ANKRD62: variants seen among roughly 807,000 people sequenced by gnomAD.
The protein encoded by ANKRD62 is ankyrin repeat domain 62.
Under a neutral mutation model 98.8 loss-of-function variants are expected in ANKRD62, and 61 were observed. The ratio of observed to expected loss-of-function variants is 0.62; its 90% CI spans 0.50 to 0.76. The LOEUF (loss-of-function observed/expected upper bound fraction) is 0.76, where lower values mean the gene tolerates loss of function less well. ANKRD62 is among the 30% of genes least tolerant of loss of function. ANKRD62 has a pLI of 0.00. For synonymous variants in ANKRD62, 341 were observed against 367.9 expected, an observed-to-expected ratio of 0.93 and a Z score of 0.84; for missense variants, 933 against 1,082.9, an observed-to-expected ratio of 0.86 and a Z score of 1.94.
the ANKRD62 span, among the ~76,000 whole-genome samples, chr18:12,152,071 A>G: frequency 1.3e-5 from 2 of 151,138 alleles, no homozygotes; most frequent in Non-Finnish European, 1.5e-5. Flanking sequence ...GAATAGGAAT[A>G]AATAAGCTAC....
chr18:12,146,280 AC>A, the ANKRD62 span, among the ~76,000 whole-genome samples: 3 of 150,530 alleles, frequency 2.0e-5, no homozygotes, highest in Non-Finnish European at 4.4e-5. Context: ...CTTAAACCTC[AC>A]TCTGTGGGAC....
At position 12,128,633 on chromosome 18, in the gene ANKRD62, A is replaced by C. The variant is rs1282740113; in HGVS notation, c.*694A>C. The C allele has an allele frequency of 1.3e-5, 2 of 152,250 alleles. No homozygotes were observed. Among genetic ancestry groups the C allele is most frequent in the African/African-American group, 2.4e-5 (1 of 41,468 alleles). 9.4% of individuals were successfully genotyped at this position (152,250 alleles called of 1,614,324 possible). ...CCTGCATTTTAAGATGACACTTTTA[A>C]ATAAATTATCTCCTAATGATGACAT... On this transcript the variant is annotated 3_prime_UTR_variant, in exon 14 of 14. Transcript: ENST00000587848.
At chr18:12,123,170 C>T (rs1019206602) in intron 11 of ANKRD62, among the ~76,000 whole-genome samples, 8 of 152,034 alleles carry the variant, frequency 5.3e-5, no homozygotes, top group African/African-American at 1.9e-4. Context: ...GCCTCAGCCT[C>T]CCAAGTAGCT....
At chr18:12,155,098 A>G in the ANKRD62 span, among the ~76,000 whole-genome samples, 9 of 152,218 alleles carry the variant, frequency 5.9e-5, no homozygotes, top group East Asian at 1.9e-4. Context: ...AAACCTTCAC[A>G]TGTACCCTGG....
chr18:12,096,352 A>G (rs1168354882), intron 4 of ANKRD62, 50 bp downstream of exon 4: 1 of 1,020,728 alleles, frequency 9.8e-7, no homozygotes, highest in Non-Finnish European at 1.4e-6. Flanking sequence ...GGTGTTCTAG[A>G]GTGGTAACAG....
the ANKRD62 span, among the ~76,000 whole-genome samples, chr18:12,156,241 C>CAGTTTA: frequency 6.6e-6 from 1 of 152,102 alleles, no homozygotes; most frequent in South Asian, 2.1e-4. Flanking sequence ...GAACCATAAA[C>CAGTTTA]CAAATACATT....
chr18:12,153,215 C>A, the ANKRD62 span, among the ~76,000 whole-genome samples: 1 of 152,154 alleles, frequency 6.6e-6, no homozygotes, highest in African/African-American at 2.4e-5. Flanking sequence ...GAAGCAATAT[C>A]ATTAAAATGG....
the ANKRD62 span, among the ~76,000 whole-genome samples, chr18:12,172,405 C>G: frequency 2.6e-5 from 4 of 152,124 alleles, no homozygotes; most frequent in Non-Finnish European, 4.4e-5. Flanking sequence ...TGCTGGAGGT[C>G]CACTCCAGAC....
At chr18:12,096,151 A>G in intron 3 of ANKRD62, 45 bp from the exon 4 acceptor site, 2 of 1,257,410 alleles carry the variant, frequency 1.6e-6, no homozygotes, top group Non-Finnish European at 1.1e-6. Flanking sequence ...TCAGTTGGGA[A>G]GTATGTAATT....
chr18:12,160,843 G>A, the ANKRD62 span, among the ~76,000 whole-genome samples: 4 of 152,060 alleles, frequency 2.6e-5, no homozygotes, highest in East Asian at 1.9e-4. Context: ...AAAAAATGGC[G>A]GTGGAAGGAA....
the ANKRD62 span, among the ~76,000 whole-genome samples, chr18:12,150,359 G>A: frequency 6.6e-6 from 1 of 152,190 alleles, no homozygotes; most frequent in Admixed American, 6.5e-5. Context: ...CAGAGAGAAA[G>A]CCAACAACTT....
At chr18:12,147,215 AC>A in the ANKRD62 span, among the ~76,000 whole-genome samples, 2,783 of 4,694 alleles carry the variant, frequency 0.59, 945 homozygotes, top group Non-Finnish European at 0.65. Context: ...ACCTCTAGAT[AC>A]TGGAAGATCC....
chr18:12,123,815 G>C (rs985799706), intron 11 of ANKRD62, among the ~76,000 whole-genome samples: 6 of 152,170 alleles, frequency 3.9e-5, no homozygotes, highest in African/African-American at 1.4e-4. Context: ...AACTCTAAAT[G>C]ATTCATCCTG....
chr18:12,126,524 G>A (rs546695814), intron 13 of ANKRD62, 141 bp downstream of exon 13: 29 of 956,206 alleles, frequency 3.0e-5, no homozygotes, highest in South Asian at 6.2e-5. Context: ...CCTTAGAAAC[G>A]GAATTTGTTT....
At chr18:12,109,966 A>C (rs77820876) in intron 8 of ANKRD62, among the ~76,000 whole-genome samples, 1 of 151,856 alleles carries the variant, frequency 6.6e-6, no homozygotes, top group Admixed American at 6.6e-5. Flanking sequence ...AAAAAAAAAA[A>C]AAAAACAGAC....
At chr18:12,118,375 A>G (rs1239544451) in intron 10 of ANKRD62, among the ~76,000 whole-genome samples, 1 of 152,106 alleles carries the variant, frequency 6.6e-6, no homozygotes, top group Non-Finnish European at 1.5e-5. Context: ...TTGGGAGGCC[A>G]AGATGGGTGG....
chr18:12,105,066 C>T (rs985315169), intron 7 of ANKRD62, among the ~76,000 whole-genome samples: 8 of 152,270 alleles, frequency 5.3e-5, no homozygotes, highest in South Asian at 4.1e-4. Context: ...ACCAACATAA[C>T]ATTAATTGCA....
chr18:12,116,630 G>C (rs1046559487), intron 10 of ANKRD62, among the ~76,000 whole-genome samples: 1 of 152,144 alleles, frequency 6.6e-6, no homozygotes, highest in African/African-American at 2.4e-5. Flanking sequence ...GTGGCCAACT[G>C]TTTTGGTTAC....
Position 12,107,322 on chromosome 18 carries a change from A to C in ANKRD62, c.919A>C (p.Asn307His). 7 of 1,494,004 alleles carry C rather than the reference A, an allele frequency of 4.7e-6. No homozygotes were observed. Among genetic ancestry groups the C allele is most frequent in the Non-Finnish European group, 6.2e-6 (7 of 1,128,810 alleles). The allele number at this position is 1,494,004 out of a possible 1,614,324, so 92.5% of individuals were successfully genotyped here. The change falls in exon 8 of 14, where the codon AAT (asparagine) becomes CAT (histidine). Residue 307 changes from asparagine (N) to histidine (H), a missense_variant. Asn to His is a moderately conservative substitution (Grantham distance 68). Transcript: ENST00000587848. Reference protein sequence around the residue: ...QVEEKMKKCRNKKMEVSRNVH... With the variant: ...QVEEKMKKCRHKKMEVSRNVH... ...TGAAGAAAAAATGAAGAAATGCAGA[A>C]ATAAGAAAATGGAAGTGTCAAGAAA...
Sources: gnomAD v4.1 joint callset for allele counts (sites outside exome capture counted in the v4.1 genomes callset) on GRCh38, gnomAD v4.1.1 for gene constraint, MANE v1.5 for transcripts, NCBI Gene and HGNC (gene_info 2026-07-23, HGNC 2026-07-21) for gene names.